Variants in SHISA9 observed in about 807,000 individuals in gnomAD.
SHISA9 encodes the protein protein shisa-9.
A neutral mutation model predicts 38.0 loss-of-function variants in SHISA9; 13 were observed. The observed-to-expected ratio is 0.34, with a 90% CI of 0.22 to 0.54. The LOEUF (loss-of-function observed/expected upper bound fraction) is 0.54. SHISA9 is among the 20% of genes least tolerant of loss of function. The pLI, the probability that SHISA9 is intolerant of heterozygous loss-of-function variation, is 0.91. For missense variants in SHISA9, 538 were observed against 575.8 expected, an observed-to-expected ratio of 0.93 and a Z score of 0.67; for synonymous variants, 275 against 242.0, an observed-to-expected ratio of 1.14 and a Z score of -1.27.
the SHISA9 span, among the ~76,000 whole-genome samples, chr16:13,274,484 T>C: frequency 0.025 from 3,883 of 152,276 alleles, 166 homozygotes; most frequent in African/African-American, 0.087. Context: ...CCCACTCCTA[T>C]AGTTTCGGAT....
the SHISA9 span, among the ~76,000 whole-genome samples, chr16:13,461,626 T>A: frequency 1.4e-5 from 2 of 144,126 alleles, no homozygotes; most frequent in Admixed American, 1.4e-4. Context: ...TTTTTTAATT[T>A]TTTTTTTTTT....
At chr16:13,183,684 T>C (rs988008829) in intron 2 of SHISA9, among the ~76,000 whole-genome samples, 4 of 152,248 alleles carry the variant, frequency 2.6e-5, no homozygotes, top group African/African-American at 4.8e-5. Flanking sequence ...TAGGTTCTTT[T>C]TTCATAACTA....
At chr16:13,414,301 G>T in the SHISA9 span, among the ~76,000 whole-genome samples, 3 of 152,162 alleles carry the variant, frequency 2.0e-5, no homozygotes, top group Non-Finnish European at 4.4e-5. Context: ...GACCCATTAA[G>T]CCCTGAAGTT....
chr16:13,065,103 A>C (rs1420032592), intron 2 of SHISA9, among the ~76,000 whole-genome samples: 2 of 152,176 alleles, frequency 1.3e-5, no homozygotes, highest in African/African-American at 4.8e-5. Context: ...TATCTCCCCT[A>C]GATCTCCCAG....
the SHISA9 span, among the ~76,000 whole-genome samples, chr16:13,509,694 T>C: frequency 6.6e-6 from 1 of 152,184 alleles, no homozygotes. Context: ...TTTTAAGAGA[T>C]TGCAATGAGA....
the SHISA9 span, among the ~76,000 whole-genome samples, chr16:13,296,848 GCCCTTGCACTTCAGCCT>G: frequency 8.5e-6 from 1 of 118,056 alleles, no homozygotes; most frequent in Non-Finnish European, 1.6e-5. Context: ...CTGAGAGCAT[GCCCTTGCACTTCAGCCT>G]AGGTGACAAG....
chr16:13,128,850 C>G (rs921116820), intron 2 of SHISA9, among the ~76,000 whole-genome samples: 2 of 152,064 alleles, frequency 1.3e-5, no homozygotes, highest in Admixed American at 1.3e-4. Context: ...TGTGTTGTAC[C>G]CATGATGGCA....
the SHISA9 span, among the ~76,000 whole-genome samples, chr16:13,401,450 A>G: frequency 4.6e-5 from 7 of 152,296 alleles, no homozygotes; most frequent in East Asian, 1.4e-3. Flanking sequence ...TATGGGCTAA[A>G]TGTCTGTGTT....
At chr16:13,165,820 A>T (rs1465304787) in intron 2 of SHISA9, among the ~76,000 whole-genome samples, 1 of 152,142 alleles carries the variant, frequency 6.6e-6, no homozygotes, top group African/African-American at 2.4e-5. Context: ...TCGAGCACTT[A>T]AAAATGTTAA....
the SHISA9 span, among the ~76,000 whole-genome samples, chr16:13,535,918 T>G: frequency 1.3e-5 from 2 of 152,204 alleles, no homozygotes; most frequent in Non-Finnish European, 2.9e-5. Flanking sequence ...ATAACTTTTC[T>G]TCTTACTCAG....
rs556303605 is a variant in SHISA9, at chr16:13,239,499, T to C, written c.*4090T>C. On this transcript the variant is annotated 3_prime_UTR_variant, in exon 5 of 5. Transcript: ENST00000558583. ...TTCTCCACATCCTCTCCAGCACCTG[T>C]TGTTTCCTGACTTTTTAATGATTGC... The C allele has an allele frequency of 1.6e-4, 25 of 151,984 alleles. No individual in the cohort carries two copies. In the South Asian group the frequency reaches 2.9e-3, roughly 18 times the overall value. The allele number at this position is 151,984 out of a possible 1,614,324, so 9.4% of individuals were successfully genotyped here. A position where few individuals can be genotyped will look rare whatever the true frequency, so the allele number is the denominator to read the frequency against.
At chr16:12,963,774 T>C (rs551955704) in intron 2 of SHISA9, among the ~76,000 whole-genome samples, 1 of 152,272 alleles carries the variant, frequency 6.6e-6, no homozygotes, top group South Asian at 2.1e-4. Flanking sequence ...CAAAGTATCA[T>C]ACAGGTGGAA....
chr16:13,110,432 G>C (rs79922451), intron 2 of SHISA9, among the ~76,000 whole-genome samples: 5,410 of 152,312 alleles, frequency 0.036, 133 homozygotes, highest in Middle Eastern at 0.065. Context: ...AAAGAGGAAT[G>C]TCATGCTGGA....
intron 1 of SHISA9, among the ~76,000 whole-genome samples, chr16:12,908,177 T>C (rs2071128935): frequency 6.6e-6 from 1 of 152,008 alleles, no homozygotes; most frequent in Non-Finnish European, 1.5e-5. Flanking sequence ...ATTTTTTACC[T>C]CTTGTCTACT....
At chr16:13,533,341 C>A in the SHISA9 span, among the ~76,000 whole-genome samples, 1 of 152,198 alleles carries the variant, frequency 6.6e-6, no homozygotes, top group African/African-American at 2.4e-5. Flanking sequence ...GAAGCCTAGG[C>A]AGCTCAGAAT....
chr16:13,156,060 G>A (rs2050544141), intron 2 of SHISA9, among the ~76,000 whole-genome samples: 1 of 152,222 alleles, frequency 6.6e-6, no homozygotes, highest in Non-Finnish European at 1.5e-5. Flanking sequence ...TTCTTAAGTG[G>A]ATGGTATTTT....
chr16:13,280,254 C>G, the SHISA9 span, among the ~76,000 whole-genome samples: 1 of 149,320 alleles, frequency 6.7e-6, no homozygotes, highest in Non-Finnish European at 1.5e-5. Context: ...AATTTCTGTT[C>G]TTTCATCAGA....
At chr16:13,263,128 A>T in the SHISA9 span, among the ~76,000 whole-genome samples, 98,827 of 152,068 alleles carry the variant, frequency 0.65, 32,384 homozygotes, top group African/African-American at 0.72. Flanking sequence ...CCTCACTCAG[A>T]CCATCCCAAC....
At chr16:13,415,723 A>T in the SHISA9 span, among the ~76,000 whole-genome samples, 2 of 152,202 alleles carry the variant, frequency 1.3e-5, no homozygotes, top group African/African-American at 4.8e-5. Flanking sequence ...TTGGATAGCT[A>T]TGGATATGAT....
Sources: allele counts gnomAD v4.1 joint callset (sites outside exome capture counted in the v4.1 genomes callset), GRCh38; gene constraint gnomAD v4.1.1; transcripts MANE v1.5; gene names NCBI Gene and HGNC (gene_info 2026-07-23, HGNC 2026-07-21).